Variants in PPFIA2 observed in about 807,000 individuals in gnomAD.
PPFIA2 encodes the protein PPFI scaffold protein A2, also known as liprin-alpha-2.
Under a neutral mutation model 175.5 loss-of-function variants are expected in PPFIA2, and 46 were observed. The observed-to-expected ratio is 0.26, with a 90% CI of 0.21 to 0.34. The LOEUF is 0.34. Ranked by LOEUF, PPFIA2 falls within the 10% of genes least tolerant of loss-of-function variation. PPFIA2 has a pLI of 1.00. For synonymous variants in PPFIA2, 568 were observed against 511.4 expected (o/e 1.11, Z -1.49); for missense variants, 1,179 against 1,506.1 (o/e 0.78, Z 3.60).
At chr12:81,520,984 T>C (rs2063051814) in intron 4 of PPFIA2, among the ~76,000 whole-genome samples, 1 of 152,178 alleles carries the variant, frequency 6.6e-6, no homozygotes, top group East Asian at 1.9e-4. Flanking sequence ...TGTCATATGA[T>C]ATAAACATTG....
At chr12:81,657,092 A>G (rs989036436) in intron 4 of PPFIA2, among the ~76,000 whole-genome samples, 1 of 152,142 alleles carries the variant, frequency 6.6e-6, no homozygotes, top group Non-Finnish European at 1.5e-5. Context: ...CCCTGACTGT[A>G]AGCACTTGAA....
intron 4 of PPFIA2, among the ~76,000 whole-genome samples, chr12:81,670,125 C>G (rs1489248407): frequency 6.6e-6 from 1 of 151,854 alleles, no homozygotes; most frequent in Non-Finnish European, 1.5e-5. Flanking sequence ...TAGAGGGAAT[C>G]AGAAGTTCAA....
intron 22 of PPFIA2, among the ~76,000 whole-genome samples, chr12:81,317,147 G>A (rs1260068547): frequency 6.6e-6 from 1 of 151,500 alleles, no homozygotes; most frequent in African/African-American, 2.4e-5. Context: ...TGCAAAGGAT[G>A]AGGAAAAAAA....
intron 4 of PPFIA2, among the ~76,000 whole-genome samples, chr12:81,624,306 T>G (rs1391406038): frequency 6.6e-6 from 1 of 151,128 alleles, no homozygotes; most frequent in Non-Finnish European, 1.5e-5. Flanking sequence ...AATTATTAAC[T>G]TCTTAGGTTC....
At chr12:81,347,801 T>C (rs1305853153) in intron 17 of PPFIA2, 31 bp from the exon 18 acceptor site, 2 of 1,602,060 alleles carry the variant, frequency 1.2e-6, no homozygotes, top group South Asian at 1.1e-5. Context: ...ATGATCCATA[T>C]ATAATTTAAT....
chr12:81,474,722 A>C (rs1241273414), intron 4 of PPFIA2, among the ~76,000 whole-genome samples: 1 of 152,190 alleles, frequency 6.6e-6, no homozygotes, highest in African/African-American at 2.4e-5. Context: ...ATTCTTTAAA[A>C]ATCCTGTAAT....
At chr12:81,310,083 T>C (rs1299095788) in intron 22 of PPFIA2, among the ~76,000 whole-genome samples, 2 of 152,126 alleles carry the variant, frequency 1.3e-5, no homozygotes, top group African/African-American at 4.8e-5. Flanking sequence ...TAGATTGCTC[T>C]AGTGTTTCAT....
intron 4 of PPFIA2, among the ~76,000 whole-genome samples, chr12:81,656,753 T>A (rs181550843): frequency 2.6e-5 from 4 of 151,812 alleles, no homozygotes; most frequent in Admixed American, 2.6e-4. Flanking sequence ...TTTGGTGAAC[T>A]CTTTTGGTAA....
intron 4 of PPFIA2, among the ~76,000 whole-genome samples, chr12:81,669,926 C>G (rs1157114111): frequency 2.6e-5 from 4 of 151,936 alleles, no homozygotes; most frequent in African/African-American, 9.7e-5. Flanking sequence ...TAAAACCTGT[C>G]CTTGGTTCAT....
chr12:81,465,455 T>G (rs1229421337), intron 4 of PPFIA2: 1 of 152,170 alleles, frequency 6.6e-6, no homozygotes, highest in East Asian at 1.9e-4. Context: ...GCATGCTGAT[T>G]TGACCATCTA....
chr12:81,313,163 G>A (rs929432283), intron 22 of PPFIA2, among the ~76,000 whole-genome samples: 4 of 151,910 alleles, frequency 2.6e-5, no homozygotes, highest in Non-Finnish European at 4.4e-5. Context: ...AGAAAATATG[G>A]AAGTTAAATA....
chr12:81,511,093 C>CA lies in PPFIA2; in HGVS notation c.304-53228dup, dbSNP rs544400664. ...AAGATTTTCATTGCAAGATACATAA[C>CA]AAAAAAATCTGTTAATTTTCAAGCA... On this transcript the variant is annotated intron_variant, in intron 4 of 32. Transcript: ENST00000549396. Among the ~76,000 whole-genome samples, 26 of 151,954 alleles carry CA rather than the reference C, an allele frequency of 1.7e-4. No homozygotes were observed. In the South Asian group the frequency reaches 5.2e-3, roughly 30 times the overall value.
chr12:81,542,749 A>G (rs1364720125), intron 4 of PPFIA2, among the ~76,000 whole-genome samples: 3 of 152,138 alleles, frequency 2.0e-5, no homozygotes, highest in Non-Finnish European at 4.4e-5. Flanking sequence ...GCCTCTAGCC[A>G]GCTTTATAGC....
At chr12:81,360,327 T>C (rs909927050) in intron 15 of PPFIA2, among the ~76,000 whole-genome samples, 4 of 151,940 alleles carry the variant, frequency 2.6e-5, no homozygotes, top group Non-Finnish European at 5.9e-5. Context: ...CTTTAAGCAA[T>C]GAACCCTGTA....
intron 4 of PPFIA2, among the ~76,000 whole-genome samples, chr12:81,656,742 C>A (rs1567740688): frequency 6.6e-6 from 1 of 151,602 alleles, no homozygotes; most frequent in East Asian, 1.9e-4. Context: ...TTTCAGAGAA[C>A]TTTGGTGAAC....
chr12:81,351,873 A>T (rs1479468496), intron 17 of PPFIA2, among the ~76,000 whole-genome samples: 1 of 152,062 alleles, frequency 6.6e-6, no homozygotes, highest in African/African-American at 2.4e-5. Flanking sequence ...GTTATGGCAC[A>T]CTAGCCTGGG....
At chr12:81,678,927 T>C (rs183747642) in intron 3 of PPFIA2, among the ~76,000 whole-genome samples, 2 of 151,950 alleles carry the variant, frequency 1.3e-5, no homozygotes, top group Admixed American at 1.3e-4. Context: ...TCCAACATCA[T>C]GCCCAACATA....
intron 4 of PPFIA2, among the ~76,000 whole-genome samples, chr12:81,654,134 G>A (rs201850659): frequency 1.4e-4 from 21 of 149,806 alleles, no homozygotes; most frequent in Middle Eastern, 3.6e-3. Context: ...AAGTACTAGC[G>A]AAGAAGAAAA....
intron 3 of PPFIA2, among the ~76,000 whole-genome samples, chr12:81,706,435 T>C (rs932039000): frequency 6.6e-6 from 1 of 152,194 alleles, no homozygotes; most frequent in African/African-American, 2.4e-5. Flanking sequence ...ATGAAGCTAT[T>C]TATTGTGCTA....
Sources: allele counts gnomAD v4.1 joint callset (sites outside exome capture counted in the v4.1 genomes callset), GRCh38; gene constraint gnomAD v4.1.1; transcripts MANE v1.5; gene names NCBI Gene and HGNC (gene_info 2026-07-23, HGNC 2026-07-21).